Variants in CDH13 observed in about 807,000 individuals in gnomAD.
CDH13 encodes the protein cadherin 13.
In CDH13, 24 loss-of-function variants were observed where a neutral mutation model predicts 63.8. The ratio of observed to expected loss-of-function variants is 0.38; its 90% CI spans 0.27 to 0.53. The LOEUF (loss-of-function observed/expected upper bound fraction) is 0.53. Ranked by LOEUF, CDH13 falls within the 20% of genes least tolerant of loss-of-function variation. CDH13 has a pLI of 0.85. For synonymous variants in CDH13, 503 were observed against 355.3 expected (o/e 1.42, Z -4.67); for missense variants, 1,049 against 903.1 (o/e 1.16, Z -2.07).
intron 5 of CDH13, among the ~76,000 whole-genome samples, chr16:83,258,316 A>G (rs546188430): frequency 6.6e-6 from 1 of 152,350 alleles, no homozygotes; most frequent in South Asian, 2.1e-4. Context: ...GCAGCACCCT[A>G]TTGGAAATGG....
chr16:83,191,650 C>A (rs941831604), intron 4 of CDH13, among the ~76,000 whole-genome samples: 1 of 150,422 alleles, frequency 6.6e-6, no homozygotes, highest in Non-Finnish European at 1.5e-5. Flanking sequence ...AGCTGAGGAG[C>A]AAGGGAGCCA....
At chr16:83,735,125 A>G (rs1911420618) in intron 10 of CDH13, among the ~76,000 whole-genome samples, 1 of 152,232 alleles carries the variant, frequency 6.6e-6, no homozygotes, top group South Asian at 2.1e-4. Flanking sequence ...CTCACAGTGA[A>G]CACAGATGAA....
chr16:83,526,911 C>T (rs1439347968), intron 7 of CDH13, among the ~76,000 whole-genome samples: 1 of 152,074 alleles, frequency 6.6e-6, no homozygotes, highest in Non-Finnish European at 1.5e-5. Flanking sequence ...GCGGGCAGAT[C>T]ATGTGAGGTT....
At chr16:82,920,401 C>T (rs2042117706) in intron 2 of CDH13, among the ~76,000 whole-genome samples, 1 of 152,170 alleles carries the variant, frequency 6.6e-6, no homozygotes, top group Non-Finnish European at 1.5e-5. Flanking sequence ...GGATGAAGTT[C>T]ACTTAAATGA....
intron 4 of CDH13, chr16:83,181,188 A>G: frequency 1.9e-6 from 1 of 536,962 alleles, no homozygotes; most frequent in Non-Finnish European, 3.2e-6. Context: ...CCAAGAAATG[A>G]GGCCTCAGGC....
intron 5 of CDH13, among the ~76,000 whole-genome samples, chr16:83,293,629 C>G (rs1041361250): frequency 6.6e-6 from 1 of 151,982 alleles, no homozygotes; most frequent in African/African-American, 2.4e-5. Flanking sequence ...TATACATAAA[C>G]CAGAATGAAA....
intron 4 of CDH13, among the ~76,000 whole-genome samples, chr16:83,172,785 A>G (rs1217273215): frequency 3.3e-5 from 5 of 152,036 alleles, no homozygotes; most frequent in Non-Finnish European, 1.5e-5. Context: ...CAAAAAACAA[A>G]CAATAAAAAA....
At chr16:83,539,214 A>G (rs559154222) in intron 7 of CDH13, among the ~76,000 whole-genome samples, 7 of 152,138 alleles carry the variant, frequency 4.6e-5, no homozygotes, top group Non-Finnish European at 7.4e-5. Context: ...GGATGAAACT[A>G]TTGCACCTCA....
chr16:83,670,650 A>G, intron 8 of CDH13, 140 bp from the exon 9 acceptor site: 1 of 782,874 alleles, frequency 1.3e-6, no homozygotes, highest in Non-Finnish European at 2.1e-6. Context: ...AGAAGAGCAT[A>G]GTATCTTCCA....
At chr16:82,634,902 A>G (rs979422164) in intron 1 of CDH13, among the ~76,000 whole-genome samples, 1 of 152,212 alleles carries the variant, frequency 6.6e-6, no homozygotes, top group Non-Finnish European at 1.5e-5. Context: ...TGGAGGATCT[A>G]CTATGTTCCA....
intron 8 of CDH13, among the ~76,000 whole-genome samples, chr16:83,603,733 C>T (rs1005263803): frequency 2.0e-5 from 3 of 152,134 alleles, no homozygotes; most frequent in African/African-American, 7.2e-5. Flanking sequence ...CCCCAATGGC[C>T]TCTGTATTAG....
At chr16:83,116,527 GGGTGAAGTTCAT>G (rs144224556) in intron 3 of CDH13, among the ~76,000 whole-genome samples, 10,572 of 152,256 alleles carry the variant, frequency 0.069, 455 homozygotes, top group Middle Eastern at 0.092. Flanking sequence ...CAATGAAAGA[GGGTGAAGTTCAT>G]GGAAATATTG....
chr16:82,896,461 T>C (rs190898836), intron 2 of CDH13, among the ~76,000 whole-genome samples: 49 of 151,630 alleles, frequency 3.2e-4, no homozygotes, highest in African/African-American at 1.1e-3. Flanking sequence ...GCCTGGGTAA[T>C]TTTTGTATTT....
At chr16:83,165,293 A>G (rs1245373669) in intron 4 of CDH13, among the ~76,000 whole-genome samples, 1 of 152,056 alleles carries the variant, frequency 6.6e-6, no homozygotes, top group African/African-American at 2.4e-5. Context: ...TGGCAAAAAC[A>G]ATGCCCACCC....
chr16:83,675,391 G>T (rs924740057), intron 9 of CDH13, among the ~76,000 whole-genome samples: 1 of 152,090 alleles, frequency 6.6e-6, no homozygotes, highest in Non-Finnish European at 1.5e-5. Flanking sequence ...ACATTGTATG[G>T]CTCCCTCCCT....
intron 4 of CDH13, among the ~76,000 whole-genome samples, chr16:83,214,269 G>A (rs1191728262): frequency 1.3e-5 from 2 of 151,990 alleles, no homozygotes; most frequent in Non-Finnish European, 2.9e-5. Flanking sequence ...TGGGAGGCCT[G>A]TGAATTTTGT....
intron 7 of CDH13, among the ~76,000 whole-genome samples, chr16:83,602,143 A>C (rs7187781): frequency 6.2e-5 from 5 of 80,730 alleles, no homozygotes; most frequent in Admixed American, 3.6e-4. Context: ...AAAAAAAAAA[A>C]CCCAAAGGAC....
chr16:83,178,990 A>T (rs1428498428), intron 4 of CDH13, among the ~76,000 whole-genome samples: 1 of 152,178 alleles, frequency 6.6e-6, no homozygotes, highest in Non-Finnish European at 1.5e-5. Flanking sequence ...CTTGGTCAAA[A>T]AGGAGGTATA....
At chr16:83,590,481 C>G (rs901613605) in intron 7 of CDH13, among the ~76,000 whole-genome samples, 1 of 152,056 alleles carries the variant, frequency 6.6e-6, no homozygotes, top group African/African-American at 2.4e-5. Context: ...AAGATGGGTT[C>G]TGATATTGGC....
Sources: gnomAD v4.1 joint callset for allele counts (sites outside exome capture counted in the v4.1 genomes callset) on GRCh38, gnomAD v4.1.1 for gene constraint, MANE v1.5 for transcripts, NCBI Gene and HGNC (gene_info 2026-07-23, HGNC 2026-07-21) for gene names.